MARK2: variants seen among roughly 807,000 people sequenced by gnomAD.
MARK2 encodes serine/threonine-protein kinase MARK2.
Under a neutral mutation model 89.8 loss-of-function variants are expected in MARK2, and 16 were observed. The ratio of observed to expected loss-of-function variants is 0.18; its 90% CI spans 0.12 to 0.27. The LOEUF is 0.27. Among genes scored for constraint, MARK2 ranks in the 10% least tolerant of loss-of-function variants. The pLI, the probability that MARK2 is intolerant of heterozygous loss-of-function variation, is 1.00. For missense variants in MARK2, 621 were observed against 1,049.9 expected, an observed-to-expected ratio of 0.59 and a Z score of 5.65; for synonymous variants, 382 against 399.5, an observed-to-expected ratio of 0.96 and a Z score of 0.52.
chr11:63,889,333 G>C (rs1316670982), intron 1 of MARK2, among the ~76,000 whole-genome samples: 1 of 152,196 alleles, frequency 6.6e-6, no homozygotes, highest in East Asian at 1.9e-4. Context: ...ATAGTGCCTG[G>C]CTTACTCTGC....
intron 1 of MARK2, among the ~76,000 whole-genome samples, chr11:63,860,925 T>A (rs1399687270): frequency 2.0e-5 from 3 of 152,090 alleles, no homozygotes; most frequent in African/African-American, 7.2e-5. Flanking sequence ...TTGGAATCAT[T>A]TTTTTAAAAC....
chr11:63,908,765 T>C (rs1941554153), intron 18 of MARK2, 112 bp from the exon 19 acceptor site: 3 of 1,131,720 alleles, frequency 2.7e-6, no homozygotes, highest in South Asian at 4.4e-5. Flanking sequence ...GCCTGGCTGC[T>C]CCTGCTCCCT....
chr11:63,874,647 C>T (rs1938635850), intron 1 of MARK2, among the ~76,000 whole-genome samples: 1 of 152,180 alleles, frequency 6.6e-6, no homozygotes, highest in African/African-American at 2.4e-5. Context: ...CCAATGCTTG[C>T]CCTGTGCGCA....
At chr11:63,853,735 A>G (rs1385957496) in intron 1 of MARK2, among the ~76,000 whole-genome samples, 2 of 152,228 alleles carry the variant, frequency 1.3e-5, no homozygotes, top group Non-Finnish European at 2.9e-5. Flanking sequence ...ACTAGTGGTC[A>G]TTGTCATGGT....
intron 1 of MARK2, among the ~76,000 whole-genome samples, chr11:63,846,320 C>T (rs1267606374): frequency 1.3e-5 from 2 of 151,960 alleles, no homozygotes; most frequent in East Asian, 3.9e-4. Flanking sequence ...AGTTCAAGAC[C>T]AGCCTGAGCA....
At chr11:63,879,329 C>T (rs1938957985) in intron 1 of MARK2, among the ~76,000 whole-genome samples, 4 of 151,956 alleles carry the variant, frequency 2.6e-5, no homozygotes, top group African/African-American at 9.7e-5. Context: ...TTTAAAAAAT[C>T]ACATTTTGTG....
Position 63,856,326 on chromosome 11 carries a change from T to TG in MARK2, c.54+16766_54+16767insG, listed in dbSNP as rs1025543490. ...CCTGTGGGTTTTTTTTTTTTGTTTT[T>TG]TTTTTTTTTTTAAATATATGGCTTG... On this transcript the variant is annotated intron_variant, in intron 1 of 18. Coordinates refer to ENST00000402010, the MANE Select transcript of MARK2 (RefSeq NM_001039469.3). Among the ~76,000 whole-genome samples, 33 of 149,798 alleles carry TG rather than the reference T, an allele frequency of 2.2e-4. No homozygotes were observed. In the South Asian group the frequency reaches 4.2e-3, roughly 19 times the overall value.
intron 17 of MARK2, among the ~76,000 whole-genome samples, chr11:63,906,380 A>T (rs2134230727): frequency 6.6e-6 from 1 of 152,348 alleles, no homozygotes; most frequent in Non-Finnish European, 1.5e-5. Context: ...GGCTTTAAAA[A>T]TGAGGGCCTT....
chr11:63,909,531 T>C lies in MARK2; in HGVS notation c.*294T>C, dbSNP rs1941616630. ...GCAGGGCTCCCCCTCGGTACTGCGG[T>C]TGCACAGAGTATTTCGCCTAAACCA... On this transcript the variant is annotated 3_prime_UTR_variant, in exon 19 of 19. Transcript: ENST00000402010. 3.4e-6 allele frequency: 1 copy of C among 291,454 alleles called. No homozygotes were observed. The highest frequency in any genetic ancestry group is 6.4e-6 in the Non-Finnish European group (1 of 157,082). 18.1% of individuals were successfully genotyped at this position (291,454 alleles called of 1,614,324 possible).
intron 5 of MARK2, 33 bp downstream of exon 5, chr11:63,898,706 C>G: frequency 6.2e-7 from 1 of 1,611,584 alleles, no homozygotes; most frequent in Non-Finnish European, 8.5e-7. Flanking sequence ...CTGTTGTGCC[C>G]CCACTTCTTC....
At chr11:63,854,822 A>T (rs1440517903) in intron 1 of MARK2, among the ~76,000 whole-genome samples, 1 of 151,928 alleles carries the variant, frequency 6.6e-6, no homozygotes, top group Non-Finnish European at 1.5e-5. Context: ...CAAAAAAAAA[A>T]AAAAAAAAAG....
At chr11:63,878,016 T>A (rs1280904206) in intron 1 of MARK2, among the ~76,000 whole-genome samples, 1 of 152,204 alleles carries the variant, frequency 6.6e-6, no homozygotes, top group Non-Finnish European at 1.5e-5. Context: ...CAGGATCCGG[T>A]TCTCAGTGCA....
chr11:63,875,693 G>A (rs1160731207), intron 1 of MARK2, among the ~76,000 whole-genome samples: 1 of 152,190 alleles, frequency 6.6e-6, no homozygotes, highest in Non-Finnish European at 1.5e-5. Context: ...TAGTTCATGG[G>A]CTATAAAACT....
In MARK2 at chr11:63,901,025, G is replaced by C; in HGVS notation, c.1057G>C (p.Glu353Gln). The change falls in exon 11 of 19, where the codon GAG (glutamate) becomes CAG (glutamine). Residue 353 changes from glutamate (E) to glutamine (Q), a missense_variant. Glu to Gln is a conservative substitution (Grantham distance 29). Transcript: ENST00000402010. Reference protein sequence around the residue: ...QDSLVGQRYNEVMATYLLLGY... With the variant: ...QDSLVGQRYNQVMATYLLLGY... ...CTCGCTGGTGGGCCAGAGATACAAC[G>C]AGGTGATGGCCACCTATCTGCTCCT... 6.2e-7 allele frequency: 1 copy of C among 1,614,138 alleles called. No individual in the cohort carries two copies. The highest frequency in any genetic ancestry group is 8.5e-7 in the Non-Finnish European group (1 of 1,179,984).
intron 1 of MARK2, among the ~76,000 whole-genome samples, chr11:63,882,866 A>C (rs977538633): frequency 6.6e-6 from 1 of 152,182 alleles, no homozygotes; most frequent in Admixed American, 6.5e-5. Context: ...GTTAGGAGGA[A>C]GCCCAGCCAC....
chr11:63,884,886 G>T (rs1286533227), intron 1 of MARK2, among the ~76,000 whole-genome samples: 1 of 152,210 alleles, frequency 6.6e-6, no homozygotes, highest in Non-Finnish European at 1.5e-5. Flanking sequence ...AAAAAACAAA[G>T]GACTCCAACT....
rs1251093865 is a variant in MARK2, at chr11:63,908,976, G to A, written c.2106G>A (p.Thr702=). The change falls in exon 19 of 19, where the codon ACG becomes ACA. Residue 702 remains threonine (T), a synonymous_variant. Coordinates refer to ENST00000402010, the MANE Select transcript of MARK2 (RefSeq NM_001039469.3). ...GCTTCACGTGGAGTATGAAGACCAC[G>A]AGCTCCATGGAGCCCAACGAGATGA... The part of the protein sequence containing the change: ...SLRFTWSMKT[T]SSMEPNEMMR... 1.9e-6 allele frequency: 3 copies of A among 1,567,214 alleles called. No individual in the cohort carries two copies. The highest frequency in any genetic ancestry group is 2.3e-5 in the East Asian group (1 of 43,696).
intron 1 of MARK2, among the ~76,000 whole-genome samples, chr11:63,856,164 A>AT (rs2016826023): frequency 6.6e-6 from 1 of 152,032 alleles, no homozygotes; most frequent in Non-Finnish European, 1.5e-5. Context: ...CCCCAGTATA[A>AT]TCCCTGCCTG....
chr11:63,856,339 A>T (rs1426908241), intron 1 of MARK2, among the ~76,000 whole-genome samples: 6 of 95,532 alleles, frequency 6.3e-5, no homozygotes, highest in African/African-American at 1.4e-4. Context: ...TTTTTTTTTA[A>T]ATATATGGCT....
Sources: allele counts gnomAD v4.1 joint callset (sites outside exome capture counted in the v4.1 genomes callset), GRCh38; gene constraint gnomAD v4.1.1; transcripts MANE v1.5; gene names NCBI Gene and HGNC (gene_info 2026-07-23, HGNC 2026-07-21).